The following LRBA variants were observed in gnomAD, a reference collection of about 807,000 sequenced individuals.
LRBA encodes the protein lipopolysaccharide-responsive and beige-like anchor protein.
LRBA carries 176 observed loss-of-function variants against 330.0 expected under a neutral mutation model. That is an observed-to-expected ratio of 0.53 (90% CI 0.47 to 0.60). The LOEUF is 0.60. LRBA is among the 20% of genes least tolerant of loss of function. The pLI, the probability that LRBA is intolerant of heterozygous loss-of-function variation, is 0.00. For missense variants in LRBA, 3,259 were observed against 3,444.8 expected (o/e 0.95, Z 1.35); for synonymous variants, 1,230 against 1,193.0 (o/e 1.03, Z -0.64).
intron 35 of LRBA, among the ~76,000 whole-genome samples, chr4:150,758,210 C>T (rs1734576019): frequency 6.6e-6 from 1 of 152,158 alleles, no homozygotes; most frequent in African/African-American, 2.4e-5. Context: ...GGCCAGTAGG[C>T]CCGTTGGTCT....
chr4:150,529,666 G>A (rs1015137124), intron 40 of LRBA, among the ~76,000 whole-genome samples: 2 of 151,168 alleles, frequency 1.3e-5, no homozygotes, highest in African/African-American at 2.4e-5. Flanking sequence ...AGGTTGCAGT[G>A]AGCCGAGATC....
At chr4:150,617,588 G>A (rs1271907994) in intron 37 of LRBA, among the ~76,000 whole-genome samples, 1 of 152,162 alleles carries the variant, frequency 6.6e-6, no homozygotes, top group Non-Finnish European at 1.5e-5. Context: ...GTTGCAGTGA[G>A]CAGAGATTGC....
chr4:150,343,244 G>T (rs1052676782), intron 48 of LRBA, among the ~76,000 whole-genome samples: 11 of 152,130 alleles, frequency 7.2e-5, no homozygotes, highest in Non-Finnish European at 1.6e-4. Flanking sequence ...AGTTTTAAAG[G>T]AAACACTGTT....
chr4:150,720,361 C>T (rs1230267071), intron 36 of LRBA, among the ~76,000 whole-genome samples: 9 of 151,652 alleles, frequency 5.9e-5, no homozygotes, highest in Non-Finnish European at 8.8e-5. Flanking sequence ...TTCTAATGAA[C>T]AACATAACAA....
intron 18 of LRBA, 143 bp from the exon 19 acceptor site, chr4:150,871,596 C>G: frequency 1.8e-6 from 1 of 542,140 alleles, no homozygotes; most frequent in Non-Finnish European, 3.4e-6. Context: ...TATCTTCAAT[C>G]TAGAACTTTT....
At chr4:150,597,442 T>C (rs1773630146) in intron 38 of LRBA, among the ~76,000 whole-genome samples, 1 of 151,894 alleles carries the variant, frequency 6.6e-6, no homozygotes, top group African/African-American at 2.4e-5. Context: ...TATTGATATC[T>C]AAGGATAAAA....
At chr4:150,854,364 T>C (rs1344668448) in intron 22 of LRBA, among the ~76,000 whole-genome samples, 1 of 152,246 alleles carries the variant, frequency 6.6e-6, no homozygotes, top group Non-Finnish European at 1.5e-5. Flanking sequence ...CAATTTCTTT[T>C]ACATTCACAA....
At chr4:150,409,305 T>G (rs1325467079) in intron 47 of LRBA, among the ~76,000 whole-genome samples, 1 of 152,084 alleles carries the variant, frequency 6.6e-6, no homozygotes, top group Non-Finnish European at 1.5e-5. Flanking sequence ...ACTCCAAACC[T>G]GTGAGACAAT....
chr4:150,654,886 T>A (rs1281562968), intron 37 of LRBA, among the ~76,000 whole-genome samples: 1 of 152,320 alleles, frequency 6.6e-6, no homozygotes, highest in South Asian at 2.1e-4. Context: ...TCCTTTTTTA[T>A]GGCTGCATAG....
rs891232138 is a variant in LRBA at position 150,628,615 on chromosome 4, G to C, written c.5922-29484C>G. Among the ~76,000 whole-genome samples, 20 of 152,102 alleles carry C rather than the reference G, an allele frequency of 1.3e-4. 1 individual carries two copies. Among genetic ancestry groups the C allele is most frequent in the Non-Finnish European group, 5.9e-5 (4 of 68,016 alleles). On this transcript the variant is annotated intron_variant, in intron 37 of 56. Transcript: ENST00000651943. ...TATTTCATACATCATTTTAAAGCAA[G>C]TCAGTTTCTAAAGGAAAAATCATCA...
intron 40 of LRBA, among the ~76,000 whole-genome samples, chr4:150,533,628 C>A (rs914451584): frequency 6.6e-6 from 1 of 152,102 alleles, no homozygotes; most frequent in Non-Finnish European, 1.5e-5. Flanking sequence ...AAGTAATGAA[C>A]CTGGATACTT....
At chr4:150,683,091 C>T (rs995629594) in intron 37 of LRBA, among the ~76,000 whole-genome samples, 8 of 151,894 alleles carry the variant, frequency 5.3e-5, no homozygotes, top group Non-Finnish European at 1.0e-4. Context: ...GAAAAAAAAT[C>T]ATTTTATTGT....
chr4:150,750,040 G>A (rs999248205), intron 35 of LRBA, among the ~76,000 whole-genome samples: 5 of 152,042 alleles, frequency 3.3e-5, no homozygotes, highest in African/African-American at 9.7e-5. Context: ...GCCTTAAAAT[G>A]TTGTGACATA....
intron 13 of LRBA, among the ~76,000 whole-genome samples, chr4:150,901,323 T>C (rs926193867): frequency 2.0e-5 from 3 of 151,980 alleles, no homozygotes; most frequent in Admixed American, 1.3e-4. Context: ...TTCAGTGAAA[T>C]TATGGGTCTG....
At chr4:150,448,824 G>C (rs200328263) in intron 44 of LRBA, among the ~76,000 whole-genome samples, 2 of 29,690 alleles carry the variant, frequency 6.7e-5, no homozygotes, top group African/African-American at 2.2e-4. Context: ...AAAAAAAAAG[G>C]GGGGGGGGGT....
At chr4:150,657,376 A>G (rs951670022) in intron 37 of LRBA, among the ~76,000 whole-genome samples, 2 of 152,174 alleles carry the variant, frequency 1.3e-5, no homozygotes, top group Non-Finnish European at 2.9e-5. Context: ...CCATTTTAAT[A>G]TCAACATGAC....
intron 36 of LRBA, among the ~76,000 whole-genome samples, chr4:150,684,754 A>G (rs1582037146): frequency 6.6e-6 from 1 of 152,120 alleles, no homozygotes; most frequent in Non-Finnish European, 1.5e-5. Flanking sequence ...CCACCCCCAC[A>G]CACATATCCT....
Position 150,844,684 on chromosome 4 carries a change from T to C in LRBA, c.4435A>G (p.Ile1479Val), listed in dbSNP as rs1355708547. 6.2e-7 allele frequency: 1 copy of C among 1,613,444 alleles called. No individual in the cohort carries two copies. Residue 1479 changes from isoleucine to valine, a missense_variant, in exon 27 of 57, where the codon ATT becomes GTT. Coordinates refer to ENST00000651943, the MANE Select transcript of LRBA (RefSeq NM_001364905.1). Reference sequence around the variant, plus strand: ...TTCGCTGCAGATTTCCCTAAAGGAATAAGGCTATGCATTGGTTTCAAGGCT... The same window carrying C: ...TTCGCTGCAGATTTCCCTAAAGGAACAAGGCTATGCATTGGTTTCAAGGCT... ...DKALKPMHSL[I>V]PLGKSAAKSP...
chr4:150,908,797 A>G lies in LRBA; in HGVS notation c.1222T>C (p.Leu408=), dbSNP rs1579169248. ...LFLAEHHKLL[L]YDGKLSSAIA... ...GCACTAGAGAGTTTCCCATCGTACA[A>G]TAAAAGTTTGTGATGCTCAGCAAGG... The change falls in exon 10 of 57, where the codon TTG becomes CTG. Residue 408 remains leucine, a synonymous_variant. Transcript: ENST00000651943. 3.1e-6 allele frequency: 5 copies of G among 1,613,904 alleles called. No individual in the cohort carries two copies. The highest frequency in any genetic ancestry group is 1.7e-5 in the Admixed American group (1 of 59,998).
Sources: allele counts gnomAD v4.1 joint callset (sites outside exome capture counted in the v4.1 genomes callset), GRCh38; gene constraint gnomAD v4.1.1; transcripts MANE v1.5; gene names NCBI Gene and HGNC (gene_info 2026-07-23, HGNC 2026-07-21).